Variants in PTS observed in about 807,000 individuals in gnomAD.
PTS encodes the protein 6-pyruvoyl tetrahydrobiopterin synthase.
In PTS, 23 loss-of-function variants were observed where a neutral mutation model predicts 20.6. That is an observed-to-expected ratio of 1.12 (90% CI 0.80 to 1.58). The LOEUF (loss-of-function observed/expected upper bound fraction) is 1.58, where lower values mean the gene tolerates loss of function less well. Among genes scored for constraint, PTS ranks in the 40% most tolerant of loss-of-function variants. The pLI is 0.00. For missense variants in PTS, 186 were observed against 182.4 expected, an observed-to-expected ratio of 1.02 and a Z score of -0.11; for synonymous variants, 65 against 62.5, an observed-to-expected ratio of 1.04 and a Z score of -0.19.
intron 1 of PTS, among the ~76,000 whole-genome samples, 176 bp downstream of exon 1, chr11:112,226,702 G>A (rs1859870212): frequency 6.6e-6 from 1 of 151,958 alleles, no homozygotes; most frequent in Admixed American, 6.5e-5. Context: ...TCCTGATGGG[G>A]GCTGGAGTGT....
chr11:112,226,566 C>T, intron 1 of PTS, 40 bp downstream of exon 1: 1 of 1,484,500 alleles, frequency 6.7e-7, no homozygotes. Context: ...GCGGTGGGCG[C>T]CGGGCCCCGG....
intron 4 of PTS, among the ~76,000 whole-genome samples, chr11:112,232,851 C>CA (rs1276750552): frequency 6.6e-6 from 1 of 152,194 alleles, no homozygotes; most frequent in East Asian, 1.9e-4. Flanking sequence ...GGACAGGATT[C>CA]ACAAAGTGTT....
intron 1 of PTS, 184 bp from the exon 2 acceptor site, chr11:112,228,410 A>G: frequency 1.6e-6 from 1 of 615,792 alleles, no homozygotes; most frequent in Non-Finnish European, 2.8e-6. Context: ...GGAATATGCC[A>G]TGGTTTGTGA....
intron 2 of PTS, 153 bp downstream of exon 2, chr11:112,228,826 C>G: frequency 2.7e-6 from 2 of 736,938 alleles, no homozygotes; most frequent in South Asian, 3.4e-5. Context: ...ATGAAAGGAT[C>G]TGTTGTCTTG....
intron 3 of PTS, 112 bp from the exon 4 acceptor site, chr11:112,230,514 A>G: frequency 9.9e-7 from 1 of 1,005,752 alleles, no homozygotes; most frequent in Non-Finnish European, 1.6e-6. Context: ...GGATGAAGGC[A>G]AATGTGCAAA....
chr11:112,228,326 C>G (rs1859891027), intron 1 of PTS: 4 of 500,178 alleles, frequency 8.0e-6, no homozygotes, highest in Admixed American at 3.5e-5. Context: ...ATGAGCAGAT[C>G]AGTTGCTGTG....
rs1859978374 is a variant in PTS, at chr11:112,233,855, G to T, written c.*300G>T. 1 of 220,262 alleles carries T rather than the reference G, an allele frequency of 4.5e-6. No individual in the cohort carries two copies. Among genetic ancestry groups the T allele is most frequent in the Non-Finnish European group, 8.9e-6 (1 of 112,120 alleles). 13.6% of individuals were successfully genotyped at this position (220,262 alleles called of 1,614,324 possible). A position where few individuals can be genotyped will look rare whatever the true frequency, so the allele number is the denominator to read the frequency against. On this transcript the variant is annotated 3_prime_UTR_variant, in exon 6 of 6. Coordinates refer to ENST00000280362, the MANE Select transcript of PTS (RefSeq NM_000317.3). ...TTGAAAGCAAAAGAAATCTAATTTT[G>T]TTTTCTCCATTACCTCATTTTAGTA... is the stretch of plus-strand genomic sequence containing the variant.
At chr11:112,233,041 G>C in intron 4 of PTS, 122 bp from the exon 5 acceptor site, 1 of 972,674 alleles carries the variant, frequency 1.0e-6, no homozygotes, top group Non-Finnish European at 1.7e-6. Context: ...CTCAAATCTA[G>C]TACTTACAAA....
intron 4 of PTS, 142 bp from the exon 5 acceptor site, chr11:112,233,021 C>T (rs1230904010): frequency 4.7e-6 from 4 of 860,208 alleles, no homozygotes; most frequent in Non-Finnish European, 6.0e-6. Context: ...TGTAAAGTTG[C>T]CTTGTAAGAC....
chr11:112,233,517 G>A lies in PTS; in HGVS notation c.400G>A (p.Glu134Lys), dbSNP rs779681799. 1.4e-5 allele frequency: 22 copies of A among 1,613,432 alleles called. No homozygotes were observed. The highest frequency in any genetic ancestry group is 3.3e-5 in the South Asian group (3 of 91,034). Residue 134 changes from glutamate to lysine, a missense_variant, in exon 6 of 6, where the codon GAA becomes AAA. Physicochemically the swap from Glu to Lys is moderately conservative, Grantham distance 56. Coordinates refer to ENST00000280362, the MANE Select transcript of PTS (RefSeq NM_000317.3). ...VGVLYKVKVY[E>K]TDNNIVVYKG... Reference sequence around the variant, plus strand: ...AGTTCTTTATAAAGTAAAAGTATACGAAACTGACAATAATATTGTGGTTTA... The same window carrying A: ...AGTTCTTTATAAAGTAAAAGTATACAAAACTGACAATAATATTGTGGTTTA...
In PTS at chr11:112,233,903, T is replaced by C. The variant is rs556908337; in HGVS notation, c.*348T>C. 105 of 177,734 alleles carry C rather than the reference T, an allele frequency of 5.9e-4. No homozygotes were observed. Among genetic ancestry groups the C allele is most frequent in the African/African-American group, 2.3e-3 (97 of 41,978 alleles). The allele number at this position is 177,734 out of a possible 1,614,324, so 11.0% of individuals were successfully genotyped here. On this transcript the variant is annotated 3_prime_UTR_variant, in exon 6 of 6. Coordinates refer to ENST00000280362, the MANE Select transcript of PTS (RefSeq NM_000317.3). ...GTATTAATTTTTACTTGGTATAATATACATGGTTAAAATGCTTATGTGACT... is the reference window on the plus strand; with the variant it reads ...GTATTAATTTTTACTTGGTATAATACACATGGTTAAAATGCTTATGTGACT...
Position 112,233,582 on chromosome 11 carries a change from C to T in PTS, c.*27C>T. Reference sequence around the variant, plus strand: ...TATTGGGGTTAGCATTGCACAAAGCCCAGTTTCTTTCTGTGTTTGAAAAAG... The same window carrying T: ...TATTGGGGTTAGCATTGCACAAAGCTCAGTTTCTTTCTGTGTTTGAAAAAG... On this transcript the variant is annotated 3_prime_UTR_variant, in exon 6 of 6. Coordinates refer to ENST00000280362, the MANE Select transcript of PTS (RefSeq NM_000317.3). 1.2e-6 allele frequency: 2 copies of T among 1,612,388 alleles called. No homozygotes were observed.
At chr11:112,231,990 C>T (rs1462008364) in intron 4 of PTS, among the ~76,000 whole-genome samples, 1 of 151,970 alleles carries the variant, frequency 6.6e-6, no homozygotes, top group Non-Finnish European at 1.5e-5. Flanking sequence ...AGAAAAGAGA[C>T]AAGACAGCAA....
At position 112,233,449 on chromosome 11, in the gene PTS, C is replaced by T. The variant is rs1448948635; in HGVS notation, c.332C>T (p.Ala111Val). 4 of 1,611,822 alleles carry T rather than the reference C, an allele frequency of 2.5e-6. No homozygotes were observed. The highest frequency in any genetic ancestry group is 3.4e-6 in the Non-Finnish European group (4 of 1,179,484). The change falls in exon 6 of 6, where the codon GCT becomes GTT. Residue 111 changes from alanine to valine, a missense_variant. Ala to Val is a moderately conservative substitution (Grantham distance 64). Coordinates refer to ENST00000280362, the MANE Select transcript of PTS (RefSeq NM_000317.3). ...ADVVSTTENVAVYIWDNLQKV... is the reference protein window; with the variant it reads ...ADVVSTTENVVVYIWDNLQKV... ...TCTTATAGCACGACTGAAAATGTAG[C>T]TGTTTATATCTGGGACAACCTCCAG...
At chr11:112,230,075 T>A in intron 2 of PTS, 133 bp from the exon 3 acceptor site, 1 of 917,170 alleles carries the variant, frequency 1.1e-6, no homozygotes. Context: ...GGGTAAATAT[T>A]TAAGTATAGC....
chr11:112,228,268 G>C (rs1333688896), intron 1 of PTS: 1 of 338,070 alleles, frequency 3.0e-6, no homozygotes, highest in Non-Finnish European at 5.4e-6. Flanking sequence ...GCACTTGCCT[G>C]TTACATTGTA....
chr11:112,228,537 AG>A (rs1347294564), intron 1 of PTS, 56 bp from the exon 2 acceptor site: 2 of 1,388,568 alleles, frequency 1.4e-6, no homozygotes, highest in Non-Finnish European at 2.0e-6. Flanking sequence ...GGAACAGAGA[AG>A]GGGGTTTGAA....
At position 112,230,681 on chromosome 11, in the gene PTS, A is replaced by AGG. The variant is rs866922524; in HGVS notation, c.243_243+1dup. On this transcript the variant is annotated frameshift_variant and splice_region_variant, in exon 4 of 6. Coordinates refer to ENST00000280362, the MANE Select transcript of PTS (RefSeq NM_000317.3). LOFTEE classifies it high-confidence loss of function. Reference sequence around the variant, plus strand: ...CTGGCTGATCTCAAAAAATATATGGAGGTAATGGCATGTTGGGTGCTTATT... The same window carrying AGG: ...CTGGCTGATCTCAAAAAATATATGGAGGGGTAATGGCATGTTGGGTGCTTATT... 2.5e-6 allele frequency: 4 copies of AGG among 1,607,994 alleles called. No homozygotes were observed. Among genetic ancestry groups the AGG allele is most frequent in the Non-Finnish European group, 3.4e-6 (4 of 1,174,640 alleles).
At chr11:112,233,272 A>G in intron 5 of PTS, 39 bp downstream of exon 5, 2 of 1,587,384 alleles carry the variant, frequency 1.3e-6, no homozygotes, top group Non-Finnish European at 1.7e-6. Context: ...GGATTGTAAA[A>G]CAAGAATTGA....
Sources: allele counts gnomAD v4.1 joint callset (sites outside exome capture counted in the v4.1 genomes callset), GRCh38; gene constraint gnomAD v4.1.1; transcripts MANE v1.5; gene names NCBI Gene and HGNC (gene_info 2026-07-23, HGNC 2026-07-21).